NCAM2: variants seen among roughly 807,000 people sequenced by gnomAD.
NCAM2 encodes neural cell adhesion molecule 2.
NCAM2 carries 30 observed loss-of-function variants against 98.1 expected under a neutral mutation model. The ratio of observed to expected loss-of-function variants is 0.31; its 90% CI spans 0.23 to 0.41. The LOEUF is 0.41. Among genes scored for constraint, NCAM2 ranks in the 10% least tolerant of loss-of-function variants. The probability of loss-of-function intolerance (pLI) is 1.00; values close to 1 mark genes in which losing one functional copy is unlikely to be tolerated. For missense variants in NCAM2, 867 were observed against 1,005.8 expected (o/e 0.86, Z 1.87); for synonymous variants, 368 against 342.4 (o/e 1.07, Z -0.83).
intron 10 of NCAM2, among the ~76,000 whole-genome samples, chr21:21,418,248 A>G (rs1408802104): frequency 6.6e-6 from 1 of 152,092 alleles, no homozygotes; most frequent in Non-Finnish European, 1.5e-5. Flanking sequence ...ATTAATAGAT[A>G]AATTCTGATT....
intron 1 of NCAM2, among the ~76,000 whole-genome samples, chr21:21,270,841 T>TG (rs932842195): frequency 5.3e-5 from 8 of 152,168 alleles, no homozygotes. Context: ...TGATGTCTGA[T>TG]GGGCCTGTAA....
intron 11 of NCAM2, among the ~76,000 whole-genome samples, chr21:21,430,673 A>T (rs1030375915): frequency 3.3e-5 from 5 of 152,004 alleles, no homozygotes; most frequent in Admixed American, 6.6e-5. Flanking sequence ...TTATCATGAG[A>T]ACAGCATGGA....
At chr21:21,203,955 CTTGT>C (rs925085548) in intron 1 of NCAM2, among the ~76,000 whole-genome samples, 21 of 152,186 alleles carry the variant, frequency 1.4e-4, no homozygotes, top group East Asian at 9.6e-4. Context: ...AAGATTTTTT[CTTGT>C]TTGTTTCCTC....
At chr21:21,316,887 A>T (rs568029118) in intron 5 of NCAM2, among the ~76,000 whole-genome samples, 1 of 152,294 alleles carries the variant, frequency 6.6e-6, no homozygotes, top group African/African-American at 2.4e-5. Flanking sequence ...TAGCCCCTGT[A>T]TATTGGTCCT....
intron 12 of NCAM2, among the ~76,000 whole-genome samples, chr21:21,448,683 T>C (rs1980567575): frequency 6.6e-6 from 1 of 152,066 alleles, no homozygotes; most frequent in Non-Finnish European, 1.5e-5. Flanking sequence ...GAAAAAAGAC[T>C]ATCATTTCTA....
At chr21:21,262,947 C>T (rs2071976842) in intron 1 of NCAM2, among the ~76,000 whole-genome samples, 1 of 152,072 alleles carries the variant, frequency 6.6e-6, no homozygotes. Flanking sequence ...ATGAGAACAG[C>T]ATGGGAAAGA....
intron 11 of NCAM2, among the ~76,000 whole-genome samples, chr21:21,426,339 G>A (rs1322737435): frequency 6.6e-6 from 1 of 152,138 alleles, no homozygotes; most frequent in African/African-American, 2.4e-5. Flanking sequence ...GACACTGCAT[G>A]TAACAGTGTT....
intron 1 of NCAM2, among the ~76,000 whole-genome samples, chr21:21,279,606 C>T (rs2072856748): frequency 6.6e-6 from 1 of 152,168 alleles, no homozygotes; most frequent in Non-Finnish European, 1.5e-5. Flanking sequence ...ATCTGCCGGC[C>T]TTGGCCTCCC....
At chr21:21,385,235 T>G (rs1569004337) in intron 9 of NCAM2, among the ~76,000 whole-genome samples, 1 of 152,068 alleles carries the variant, frequency 6.6e-6, no homozygotes, top group Non-Finnish European at 1.5e-5. Flanking sequence ...CTTAGTACCT[T>G]ATGTGAAAGG....
chr21:21,228,077 T>G (rs2070461612), intron 1 of NCAM2, among the ~76,000 whole-genome samples: 1 of 151,552 alleles, frequency 6.6e-6, no homozygotes, highest in Non-Finnish European at 1.5e-5. Flanking sequence ...TAGAAAGATA[T>G]GCATCAATAA....
rs58184348 is a variant in NCAM2, at chr21:20,999,813, C to G, written c.55+1195C>G. 1.0e-3 allele frequency among the ~76,000 whole-genome samples: 155 copies of G among 152,266 alleles called. 5 individuals carry two copies. The East Asian group carries it at 0.027, about 27-fold the overall frequency. Reference sequence around the variant, plus strand: ...AGCCCAGAAGTTGGTTTCTGCTCTTCCACAGAGTCCTTCTATCATTCTTCA... The same window carrying G: ...AGCCCAGAAGTTGGTTTCTGCTCTTGCACAGAGTCCTTCTATCATTCTTCA... On this transcript the variant is annotated intron_variant, in intron 1 of 17. Transcript: ENST00000400546.
intron 1 of NCAM2, among the ~76,000 whole-genome samples, chr21:21,165,035 C>T (rs2067906153): frequency 6.6e-6 from 1 of 152,058 alleles, no homozygotes; most frequent in Admixed American, 6.6e-5. Context: ...TTGTTTTACT[C>T]CAAAACAATC....
intron 15 of NCAM2, among the ~76,000 whole-genome samples, chr21:21,489,847 T>G (rs1290285704): frequency 6.6e-6 from 1 of 152,102 alleles, no homozygotes; most frequent in Non-Finnish European, 1.5e-5. Context: ...TATTAACTCG[T>G]TCTCTTACCA....
At chr21:21,309,364 T>C (rs1293424443) in intron 5 of NCAM2, among the ~76,000 whole-genome samples, 5 of 152,204 alleles carry the variant, frequency 3.3e-5, no homozygotes, top group Non-Finnish European at 7.3e-5. Flanking sequence ...CTTCAGTCTG[T>C]GCCTTTAAGC....
At chr21:21,465,198 A>G (rs548441426) in intron 12 of NCAM2, among the ~76,000 whole-genome samples, 10 of 152,132 alleles carry the variant, frequency 6.6e-5, no homozygotes, top group African/African-American at 2.2e-4. Flanking sequence ...TAATTTTTAT[A>G]TATTTTTTCT....
intron 1 of NCAM2, among the ~76,000 whole-genome samples, chr21:21,032,062 C>A (rs1347325355): frequency 2.0e-5 from 3 of 152,020 alleles, no homozygotes; most frequent in Non-Finnish European, 2.9e-5. Context: ...TATCAGGCAC[C>A]ACTATTATGC....
intron 9 of NCAM2, among the ~76,000 whole-genome samples, chr21:21,374,661 G>A (rs1163798899): frequency 2.0e-5 from 3 of 151,774 alleles, no homozygotes; most frequent in Non-Finnish European, 4.4e-5. Context: ...TGGTATACAT[G>A]CTATTTAAAA....
intron 1 of NCAM2, chr21:21,223,545 A>C (rs1222208448): frequency 2.0e-5 from 3 of 152,178 alleles, no homozygotes; most frequent in African/African-American, 7.2e-5. Flanking sequence ...ATTTCCATTC[A>C]GTAATCGCCA....
At chr21:21,337,251 T>G (rs2147869331) in intron 7 of NCAM2, among the ~76,000 whole-genome samples, 1 of 152,212 alleles carries the variant, frequency 6.6e-6, no homozygotes, top group South Asian at 2.1e-4. Context: ...AAAAAAGATT[T>G]TTTACATTTC....
Sources: gnomAD v4.1 joint callset for allele counts (sites outside exome capture counted in the v4.1 genomes callset) on GRCh38, gnomAD v4.1.1 for gene constraint, MANE v1.5 for transcripts, NCBI Gene and HGNC (gene_info 2026-07-23, HGNC 2026-07-21) for gene names.